The following GPAT3 variants were observed in gnomAD, a reference collection of about 807,000 sequenced individuals.
The protein encoded by GPAT3 is 1-AGP acyltransferase 9.
Under a neutral mutation model 58.8 loss-of-function variants are expected in GPAT3, and 53 were observed. The ratio of observed to expected loss-of-function variants is 0.90; its 90% confidence interval spans 0.72 to 1.13. The LOEUF (loss-of-function observed/expected upper bound fraction) is 1.13, where lower values mean the gene tolerates loss of function less well. Ranked by LOEUF, GPAT3 falls within the 50% of genes most tolerant of loss-of-function variation. The pLI is 0.00. For synonymous variants in GPAT3, 197 were observed against 187.4 expected, an observed-to-expected ratio of 1.05 and a Z score of -0.42; for missense variants, 511 against 527.6, an observed-to-expected ratio of 0.97 and a Z score of 0.31.
chr4:83,560,965 G>A (rs6838051), intron 2 of GPAT3, among the ~76,000 whole-genome samples: 5,960 of 152,192 alleles, frequency 0.039, 419 homozygotes, highest in African/African-American at 0.14. Flanking sequence ...CTGCAGACCC[G>A]TGAGACAATT....
intron 2 of GPAT3, among the ~76,000 whole-genome samples, chr4:83,545,674 T>A (rs1161610071): frequency 6.6e-6 from 1 of 152,204 alleles, no homozygotes; most frequent in African/African-American, 2.4e-5. Context: ...TTATCACCAA[T>A]CACATTTTTA....
intron 2 of GPAT3, among the ~76,000 whole-genome samples, chr4:83,549,626 G>A (rs575250074): frequency 2.7e-5 from 4 of 150,238 alleles, no homozygotes; most frequent in Non-Finnish European, 5.9e-5. Flanking sequence ...TCTGCCTCCC[G>A]GGTTCCAGCA....
chr4:83,580,667 C>G (rs927710459), intron 2 of GPAT3, among the ~76,000 whole-genome samples: 11 of 152,040 alleles, frequency 7.2e-5, no homozygotes, highest in Admixed American at 6.5e-4. Context: ...TGTAAATAGG[C>G]CTTTGTCTAA....
At position 83,536,239 on chromosome 4, in the gene GPAT3, C is replaced by G. The variant is rs1246195799; in HGVS notation, c.-384C>G. 1.0e-6 allele frequency: 1 copy of G among 1,004,652 alleles called. No homozygotes were observed. Among genetic ancestry groups the G allele is most frequent in the African/African-American group, 1.7e-5 (1 of 58,050 alleles). 62.2% of individuals were successfully genotyped at this position (1,004,652 alleles called of 1,614,324 possible). A position where few individuals can be genotyped will look rare whatever the true frequency, so the allele number is the denominator to read the frequency against. On this transcript the variant is annotated 5_prime_UTR_variant, in exon 1 of 12. Transcript: ENST00000264409. ...ATCTGCTGAGTTGTCGCAATCGCCACCCAGAGGAAATCAGGCACCGGGCGG... is the reference window on the plus strand; with the variant it reads ...ATCTGCTGAGTTGTCGCAATCGCCAGCCAGAGGAAATCAGGCACCGGGCGG...
At position 83,536,711 on chromosome 4, in the gene GPAT3, T is replaced by G; in HGVS notation, c.89T>G (p.Val30Gly). 1 of 1,535,564 alleles carries G rather than the reference T, an allele frequency of 6.5e-7. No homozygotes were observed. The highest frequency in any genetic ancestry group is 8.8e-7 in the Non-Finnish European group (1 of 1,141,184). ...GFILLPSVFG[V>G]SLGISEIYMK... ...ATCCTTTTACCTTCGGTCTTCGGAGTGTCTCTGGGCATCTCCGAGATCTAC... is the reference window on the plus strand; with the variant it reads ...ATCCTTTTACCTTCGGTCTTCGGAGGGTCTCTGGGCATCTCCGAGATCTAC... Residue 30 changes from valine to glycine, a missense_variant, in exon 1 of 12, where the codon GTG (valine) becomes GGG (glycine). Val to Gly is a moderately radical substitution (Grantham distance 109). Coordinates refer to ENST00000264409, the MANE Select transcript of GPAT3 (RefSeq NM_032717.5).
At chr4:83,589,045 G>T (rs1283418775) in intron 5 of GPAT3, among the ~76,000 whole-genome samples, 1 of 152,010 alleles carries the variant, frequency 6.6e-6, no homozygotes, top group Non-Finnish European at 1.5e-5. Flanking sequence ...TTACCATGTG[G>T]TACCAACATA....
At chr4:83,597,543 T>A (rs1014186252) in intron 9 of GPAT3, 28 bp downstream of exon 9, 3 of 1,376,284 alleles carry the variant, frequency 2.2e-6, no homozygotes, top group Non-Finnish European at 3.0e-6. Context: ...ATAAGAATAA[T>A]AATTATTATA....
chr4:83,562,954 T>A (rs1001041958), intron 2 of GPAT3, among the ~76,000 whole-genome samples: 9 of 152,244 alleles, frequency 5.9e-5, no homozygotes, highest in African/African-American at 1.2e-4. Flanking sequence ...TTGAATGTGT[T>A]ATCTGTAAGC....
intron 6 of GPAT3, among the ~76,000 whole-genome samples, chr4:83,590,888 T>C (rs1403336360): frequency 6.7e-6 from 1 of 149,940 alleles, no homozygotes; most frequent in Non-Finnish European, 1.5e-5. Context: ...TCATATTCTT[T>C]TTTTTTTTTT....
intron 1 of GPAT3, 82 bp downstream of exon 1, chr4:83,536,845 G>T: frequency 3.6e-6 from 5 of 1,376,072 alleles, no homozygotes; most frequent in Non-Finnish European, 5.0e-6. Context: ...GTCAGTGGTC[G>T]CGAGTCAGGG....
chr4:83,550,553 A>G (rs1316405510), intron 2 of GPAT3, among the ~76,000 whole-genome samples: 2 of 152,150 alleles, frequency 1.3e-5, no homozygotes, highest in African/African-American at 2.4e-5. Flanking sequence ...TTTTTGGTAA[A>G]GTTTTAAAAT....
intron 8 of GPAT3, 151 bp downstream of exon 8, chr4:83,597,064 G>T: frequency 1.4e-6 from 1 of 696,040 alleles, no homozygotes; most frequent in Non-Finnish European, 2.4e-6. Flanking sequence ...TTAATTCCTT[G>T]CTTTCTTTTG....
intron 2 of GPAT3, among the ~76,000 whole-genome samples, chr4:83,568,151 C>CTGTT (rs1397335555): frequency 6.6e-6 from 1 of 151,878 alleles, no homozygotes; most frequent in Non-Finnish European, 1.5e-5. Flanking sequence ...AAACTTTACC[C>CTGTT]TGTTTCACAT....
rs1165934775 is a variant in GPAT3 at position 83,605,231 on chromosome 4, A to G, written c.*464A>G. On this transcript the variant is annotated 3_prime_UTR_variant, in exon 12 of 12. Transcript: ENST00000264409. Reference sequence around the variant, plus strand: ...GTCTACTGCAAGGTTGAAAGGAAAAATGGAGGATTGTATTTAGGAAAAGGG... The same window carrying G: ...GTCTACTGCAAGGTTGAAAGGAAAAGTGGAGGATTGTATTTAGGAAAAGGG... 6.6e-6 allele frequency: 1 copy of G among 152,378 alleles called. No individual in the cohort carries two copies. The highest frequency in any genetic ancestry group is 1.9e-4 in the East Asian group (1 of 5,202). The allele number at this position is 152,378 out of a possible 1,614,324, so 9.4% of individuals were successfully genotyped here.
intron 6 of GPAT3, among the ~76,000 whole-genome samples, chr4:83,592,147 G>T (rs1726624527): frequency 6.6e-6 from 1 of 152,032 alleles, no homozygotes; most frequent in Admixed American, 6.5e-5. Flanking sequence ...CCTGTATTCT[G>T]GTCAACAAAG....
At chr4:83,582,155 GATC>G (rs1298017602) in intron 3 of GPAT3, among the ~76,000 whole-genome samples, 2 of 152,142 alleles carry the variant, frequency 1.3e-5, no homozygotes, top group Non-Finnish European at 2.9e-5. Flanking sequence ...GAAGAAGAGA[GATC>G]ATCAACAGTT....
intron 11 of GPAT3, among the ~76,000 whole-genome samples, chr4:83,599,253 CT>C (rs1726967354): frequency 6.6e-6 from 1 of 152,184 alleles, no homozygotes; most frequent in African/African-American, 2.4e-5. Context: ...ACAGCTCAAT[CT>C]GTGTTGCTTT....
chr4:83,572,440 C>A (rs994759418), intron 2 of GPAT3, among the ~76,000 whole-genome samples: 2 of 152,054 alleles, frequency 1.3e-5, no homozygotes, highest in Non-Finnish European at 2.9e-5. Flanking sequence ...ACCCATCACC[C>A]AAATTCAACA....
intron 2 of GPAT3, among the ~76,000 whole-genome samples, chr4:83,559,785 C>T (rs1725065956): frequency 6.6e-6 from 1 of 152,174 alleles, no homozygotes; most frequent in Non-Finnish European, 1.5e-5. Flanking sequence ...TGCATTCTCA[C>T]ATGAACAAAA....
Sources: allele counts gnomAD v4.1 joint callset (sites outside exome capture counted in the v4.1 genomes callset), GRCh38; gene constraint gnomAD v4.1.1; transcripts MANE v1.5; gene names NCBI Gene and HGNC (gene_info 2026-07-23, HGNC 2026-07-21).